Variants in CPSF1 observed in about 807,000 individuals in gnomAD.
The protein encoded by CPSF1 is cleavage and polyadenylation specific factor 1.
CPSF1 carries 106 observed loss-of-function variants against 175.8 expected under a neutral mutation model. The observed-to-expected ratio is 0.60, with a 90% CI of 0.52 to 0.71. The LOEUF is 0.71. Among genes scored for constraint, CPSF1 ranks in the 30% least tolerant of loss-of-function variants. The pLI, the probability that CPSF1 is intolerant of heterozygous loss-of-function variation, is 0.00. For synonymous variants in CPSF1, 1,024 were observed against 858.3 expected, an observed-to-expected ratio of 1.19 and a Z score of -3.37; for missense variants, 1,734 against 2,022.9, an observed-to-expected ratio of 0.86 and a Z score of 2.74.
At position 144,397,636 on chromosome 8, in the gene CPSF1, TCTC is replaced by T. The variant is rs1820853018; in HGVS notation, c.2233_2235del (p.Glu745del). The T allele has an allele frequency of 1.3e-6, 2 of 1,532,624 alleles. No individual in the cohort carries two copies. Among genetic ancestry groups the T allele is most frequent in the Non-Finnish European group, 1.8e-6 (2 of 1,136,880 alleles). 94.9% of individuals were successfully genotyped at this position (1,532,624 alleles called of 1,614,324 possible). A position where few individuals can be genotyped will look rare whatever the true frequency, so the allele number is the denominator to read the frequency against. ...AGGGAGCCCGAATCCCCATACAGCATCTCCTCCTCGTCATCCACTGTGGGGCTG... is the reference window on the plus strand; with the variant it reads ...AGGGAGCCCGAATCCCCATACAGCATCTCCTCGTCATCCACTGTGGGGCTG... On this transcript the variant is annotated inframe_deletion, in exon 22 of 38. Coordinates refer to ENST00000616140, the MANE Select transcript of CPSF1 (RefSeq NM_013291.3).
rs2116876376 is a variant in CPSF1, at chr8:144,400,561, A to G, written c.687-68T>C. The G allele has an allele frequency of 8.1e-6, 13 of 1,607,648 alleles. No homozygotes were observed. In the African/African-American group the frequency reaches 1.6e-4, roughly 20 times the overall value. On this transcript the variant is annotated intron_variant, in intron 7 of 37. Coordinates refer to ENST00000616140, the MANE Select transcript of CPSF1 (RefSeq NM_013291.3). ...AGAGACCCAGGCCCAGCTCCTCCCG[A>G]GCAAGCCCCACCACACCCCATAGGC...
At position 144,401,425 on chromosome 8, in the gene CPSF1, C is replaced by T; in HGVS notation, c.306+5G>A. On this transcript the variant is annotated splice_donor_5th_base_variant and intron_variant, in intron 4 of 37. Coordinates refer to ENST00000616140, the MANE Select transcript of CPSF1 (RefSeq NM_013291.3). ...CAGGCCTACCCCACCAAGCCTACCA[C>T]TCACCTTGGCATCCTTGAAGCTTAG... 2 of 1,614,044 alleles carry T rather than the reference C, an allele frequency of 1.2e-6. No individual in the cohort carries two copies. Among genetic ancestry groups the T allele is most frequent in the Non-Finnish European group, 1.7e-6 (2 of 1,179,992 alleles).
At position 144,401,079 on chromosome 8, in the gene CPSF1, G is replaced by C. The variant is rs2116881181; in HGVS notation, c.388-4C>G. 1 of 1,605,096 alleles carries C rather than the reference G, an allele frequency of 6.2e-7. No homozygotes were observed. Among genetic ancestry groups the C allele is most frequent in the Non-Finnish European group, 8.5e-7 (1 of 1,175,058 alleles). On this transcript the variant is annotated splice_region_variant and splice_polypyrimidine_tract_variant and intron_variant, in intron 5 of 37. Transcript: ENST00000616140. Reference sequence around the variant, plus strand: ...GTACATTCTGCACAAACCCGTCCTGGGGGCAGAGGGGGCATCAGCCAGGCC... The same window carrying C: ...GTACATTCTGCACAAACCCGTCCTGCGGGCAGAGGGGGCATCAGCCAGGCC...
chr8:144,401,451 G>C lies in CPSF1; in HGVS notation c.285C>G (p.Leu95=), dbSNP rs1397897272. ...QLAGAKRDAL[L]LSFKDAKLSV... ...TCACCTTGGCATCCTTGAAGCTTAG[G>C]AGCAGGGCATCCCGCTTGGCTCCTG... The change falls in exon 4 of 38, where the codon CTC becomes CTG. Residue 95 remains leucine, a synonymous_variant. Coordinates refer to ENST00000616140, the MANE Select transcript of CPSF1 (RefSeq NM_013291.3). The C allele has an allele frequency of 2.5e-5, 41 of 1,613,936 alleles. No homozygotes were observed. The highest frequency in any genetic ancestry group is 3.2e-5 in the Non-Finnish European group (38 of 1,180,016).
At chr8:144,400,138 C>CCA (rs1259813320) in intron 9 of CPSF1, 28 bp downstream of exon 9, 36 of 1,185,652 alleles carry the variant, frequency 3.0e-5, no homozygotes, top group Admixed American at 6.6e-5. Context: ...TCCCCGGGCC[C>CCA]CCCCCGCCCC....
Position 144,393,375 on chromosome 8 carries a change from A to ATGGAAGGG in CPSF1, c.4285-18_4285-11dup, listed in dbSNP as rs1820441129. ...GCAAGTCGTCCAGGATCTGCAGGGG[A>ATGGAAGGG]TGGAAGGGTGGGTGGGTGGGTGGGT... On this transcript the variant is annotated splice_polypyrimidine_tract_variant and intron_variant, in intron 37 of 37. Transcript: ENST00000616140. 7 of 702,000 alleles carry ATGGAAGGG rather than the reference A, an allele frequency of 1.0e-5. No homozygotes were observed. The highest frequency in any genetic ancestry group is 1.2e-5 in the Non-Finnish European group (6 of 511,416). The allele number at this position is 702,000 out of a possible 1,614,324, so 43.5% of individuals were successfully genotyped here. A position where few individuals can be genotyped will look rare whatever the true frequency, so the allele number is the denominator to read the frequency against.
intron 8 of CPSF1, 23 bp from the exon 9 acceptor site, chr8:144,400,299 G>A (rs2116874325): frequency 4.4e-6 from 7 of 1,609,160 alleles, no homozygotes; most frequent in Admixed American, 3.3e-5. Flanking sequence ...ACAGGCTGGT[G>A]GGCAGGCTCA....
At chr8:144,401,699 G>C in intron 2 of CPSF1, 26 bp from the exon 3 acceptor site, 2 of 1,594,990 alleles carry the variant, frequency 1.3e-6, no homozygotes, top group Non-Finnish European at 1.7e-6. Context: ...AGACAGGGCA[G>C]TGAGGGGCCA....
intron 26 of CPSF1, 91 bp from the exon 27 acceptor site, chr8:144,395,642 C>T: frequency 9.0e-7 from 1 of 1,115,818 alleles, no homozygotes; most frequent in Non-Finnish European, 1.3e-6. Context: ...GGGATGTTGC[C>T]CTCAGCTCTG....
rs782252866 is a variant in CPSF1 at position 144,394,864 on chromosome 8, C to T, written c.3414+18G>A. ...CAGAGGGGCTGCCAGTTCCCGCCCC[C>T]GCTCACTGGCCCCTTACCCGCCCTC... On this transcript the variant is annotated intron_variant, in intron 30 of 37. Coordinates refer to ENST00000616140, the MANE Select transcript of CPSF1 (RefSeq NM_013291.3). 10 of 1,611,718 alleles carry T rather than the reference C, an allele frequency of 6.2e-6. No homozygotes were observed. The highest frequency in any genetic ancestry group is 3.3e-5 in the South Asian group (3 of 91,036).
intron 29 of CPSF1, 25 bp from the exon 30 acceptor site, chr8:144,395,048 T>A: frequency 3.1e-6 from 5 of 1,604,210 alleles, no homozygotes; most frequent in Non-Finnish European, 4.3e-6. Context: ...GGCCTCAGGA[T>A]GCTGCCTGGA....
In CPSF1 at chr8:144,399,823, C is replaced by T. The variant is rs2116866623; in HGVS notation, c.1077G>A (p.Ala359=). 1.7e-5 allele frequency: 27 copies of T among 1,557,138 alleles called. No homozygotes were observed. The highest frequency in any genetic ancestry group is 1.2e-4 in the Admixed American group (6 of 51,510). Residue 359 remains alanine, a synonymous_variant, in exon 11 of 38, where the codon GCG becomes GCA. Coordinates refer to ENST00000616140, the MANE Select transcript of CPSF1 (RefSeq NM_013291.3). The surrounding 1 kb of genome is among the most constrained non-coding windows in gnomAD (Gnocchi z 6.4). ...LITDGMRSVR[A]FHFDKAAASV... is the part of the protein sequence containing the mutation. ...TGGCGGCCGCCTTGTCAAAGTGGAACGCTCGGACACTGCGCATGCCGTCGG... is the reference window on the plus strand; with the variant it reads ...TGGCGGCCGCCTTGTCAAAGTGGAATGCTCGGACACTGCGCATGCCGTCGG...
chr8:144,394,463 G>A lies in CPSF1; in HGVS notation c.3660C>T (p.Asn1220=), dbSNP rs782025628. 19 of 1,608,886 alleles carry A rather than the reference G, an allele frequency of 1.2e-5. No homozygotes were observed. Among genetic ancestry groups the A allele is most frequent in the Non-Finnish European group, 8.5e-6 (10 of 1,178,416 alleles). ...TCATGACGTCGGCTGCCAGGATGAA[G>A]TTCTTGACGCTGATCATCTGGTGTA... ...LYIHQMISVK[N]FILAADVMKS... is the part of the protein sequence containing the mutation. The change falls in exon 32 of 38, where the codon AAC becomes AAT. Residue 1220 remains asparagine (N), a synonymous_variant. Transcript: ENST00000616140.
At position 144,399,390 on chromosome 8, in the gene CPSF1, C is replaced by T; in HGVS notation, c.1295-17G>A. 6.2e-7 allele frequency: 1 copy of T among 1,612,840 alleles called. No individual in the cohort carries two copies. Among genetic ancestry groups the T allele is most frequent in the East Asian group, 2.2e-5 (1 of 44,880 alleles). ...TACCCGCAGCTGCACACAGAGAGCC[C>T]ACTTGAGCGCAGCCCTGGGTCACCT... On this transcript the variant is annotated splice_polypyrimidine_tract_variant and intron_variant, in intron 13 of 37. Transcript: ENST00000616140. This position sits in a 1 kb window ranked among gnomAD's most constrained non-coding sequence, Gnocchi z 6.4.
rs782471379 is a variant in CPSF1, at chr8:144,397,301, C to T, written c.2498G>A (p.Arg833His). Reference protein sequence around the residue: ...FGQPTTQGEARREEATRQGEL... With the variant: ...FGQPTTQGEAHREEATRQGEL... ...CCCCTGGCGCGTGGCCTCCTCCCTG[C>T]GGGCCTCGCCCTGTGTAGTGGGCTG... Residue 833 changes from arginine (R) to histidine (H), a missense_variant, in exon 23 of 38, where the codon CGC becomes CAC. By Grantham distance (29) the Arg-to-His change is conservative. Coordinates refer to ENST00000616140, the MANE Select transcript of CPSF1 (RefSeq NM_013291.3). The T allele has an allele frequency of 6.4e-6, 10 of 1,551,254 alleles. No individual in the cohort carries two copies. The highest frequency in any genetic ancestry group is 2.0e-5 in the Admixed American group (1 of 51,198).
At chr8:144,400,870 C>G in intron 6 of CPSF1, 53 bp from the exon 7 acceptor site, 2 of 1,605,698 alleles carry the variant, frequency 1.2e-6, no homozygotes, top group African/African-American at 1.3e-5. Context: ...GAGGGGAGCT[C>G]GGGCTCTGGC....
chr8:144,401,037 C>T lies in CPSF1; in HGVS notation c.426G>A (p.Arg142=), dbSNP rs1821172049. 1 of 1,608,372 alleles carries T rather than the reference C, an allele frequency of 6.2e-7. No individual in the cohort carries two copies. Among genetic ancestry groups the T allele is most frequent in the African/African-American group, 1.3e-5 (1 of 74,846 alleles). The change falls in exon 6 of 38, where the codon CGG becomes CGA. Residue 142 remains arginine, a synonymous_variant. Coordinates refer to ENST00000616140, the MANE Select transcript of CPSF1 (RefSeq NM_013291.3). ...FVQNVHTPRV[R]VDPDGRCAAM... ...CTGCACAGCGCCCGTCGGGGTCCACCCGCACTCGCGGCGTGTGTACATTCT... is the reference window on the plus strand; with the variant it reads ...CTGCACAGCGCCCGTCGGGGTCCACTCGCACTCGCGGCGTGTGTACATTCT...
intron 2 of CPSF1, among the ~76,000 whole-genome samples, chr8:144,406,905 G>T (rs2116906717): frequency 3.9e-5 from 6 of 152,226 alleles, no homozygotes; most frequent in Non-Finnish European, 8.8e-5. Flanking sequence ...ATGACAGAAG[G>T]TTAACAGTGT....
In CPSF1 at chr8:144,409,133, T is replaced by G. The variant is rs1554870043; in HGVS notation, c.26A>C (p.His9Pro). The G allele has an allele frequency of 6.2e-7, 1 of 1,612,640 alleles. No individual in the cohort carries two copies. Among genetic ancestry groups the G allele is most frequent in the Non-Finnish European group, 8.5e-7 (1 of 1,179,550 alleles). The change falls in exon 2 of 38, where the codon CAT (histidine) becomes CCT (proline). Residue 9 changes from histidine to proline, a missense_variant. Physicochemically the swap from His to Pro is moderately conservative, Grantham distance 77. Around this residue, in one of 10 missense-constraint regions of CPSF1, gnomAD observed 126 missense variants for 117.9 expected, o/e 1.07. Coordinates refer to ENST00000616140, the MANE Select transcript of CPSF1 (RefSeq NM_013291.3). Reference protein sequence around the residue: MYAVYKQAHPPTGLEFSMY... With the variant: MYAVYKQAPPPTGLEFSMY... ...GGAGAACTCCAGACCGGTGGGCGGA[T>G]GCGCCTGTTTGTACACGGCGTACAT...
Sources: allele counts gnomAD v4.1 joint callset (sites outside exome capture counted in the v4.1 genomes callset), GRCh38; gene constraint gnomAD v4.1.1; regional missense constraint gnomAD v4.1.1; non-coding constraint Gnocchi (gnomAD v3.1); transcripts MANE v1.5; gene names NCBI Gene and HGNC (gene_info 2026-07-23, HGNC 2026-07-21).